TYW1: variants seen among roughly 807,000 people sequenced by gnomAD.
TYW1 encodes the protein tRNA-yW synthesizing protein 1 homolog.
In TYW1, 46 loss-of-function variants were observed where a neutral mutation model predicts 96.2. The ratio of observed to expected loss-of-function variants is 0.48; its 90% CI spans 0.38 to 0.61. The LOEUF is 0.61. Ranked by LOEUF, TYW1 falls within the 20% of genes least tolerant of loss-of-function variation. The pLI, the probability that TYW1 is intolerant of heterozygous loss-of-function variation, is 0.00. For missense variants in TYW1, 684 were observed against 909.6 expected (o/e 0.75, Z 3.19); for synonymous variants, 274 against 323.0 (o/e 0.85, Z 1.63).
rs56069939 is a variant in TYW1 at position 67,094,651 on chromosome 7, A to AGTGTGTGTGTGT, written c.1385-3861_1385-3850dup. ...GGGAGGAAGAGAGAGAGAGAATTAG[A>AGTGTGTGTGTGT]GTGTGTGTGTGTGTGTGTGTGTGTG... On this transcript the variant is annotated intron_variant, in intron 11 of 15. Coordinates refer to ENST00000359626, the MANE Select transcript of TYW1 (RefSeq NM_018264.4). Among the ~76,000 whole-genome samples, 287 of 141,712 alleles carry AGTGTGTGTGTGT rather than the reference A, an allele frequency of 2.0e-3. 1 individual carries two copies. Among genetic ancestry groups the AGTGTGTGTGTGT allele is most frequent in the African/African-American group, 6.2e-3 (241 of 38,712 alleles). The allele number at this position is 141,712 out of a possible 152,430, so 93.0% of individuals were successfully genotyped here. A position where few individuals can be genotyped will look rare whatever the true frequency, so the allele number is the denominator to read the frequency against.
In TYW1 at chr7:67,049,937, A is replaced by G; in HGVS notation, c.985-12A>G. On this transcript the variant is annotated splice_polypyrimidine_tract_variant and intron_variant, in intron 7 of 15. Transcript: ENST00000359626. ...CCAATTCTGGATTTCATTCTTTTTT[A>G]TTTTAATGCAGAGAGAAAAGGAACA... The G allele has an allele frequency of 1.9e-6, 3 of 1,612,952 alleles. No homozygotes were observed. Among genetic ancestry groups the G allele is most frequent in the Non-Finnish European group, 2.5e-6 (3 of 1,179,668 alleles).
At chr7:67,101,666 C>T (rs2115877630) in intron 12 of TYW1, among the ~76,000 whole-genome samples, 1 of 152,132 alleles carries the variant, frequency 6.6e-6, no homozygotes, top group Non-Finnish European at 1.5e-5. Flanking sequence ...CAGGCGCACA[C>T]CACCACACCA....
At chr7:67,073,073 C>T (rs960388149) in intron 10 of TYW1, among the ~76,000 whole-genome samples, 26 of 150,302 alleles carry the variant, frequency 1.7e-4, no homozygotes, top group Non-Finnish European at 4.4e-5. Flanking sequence ...CGTGGGCTAC[C>T]ATACCATATT....
chr7:67,035,456 C>T (rs1300827001), intron 7 of TYW1, among the ~76,000 whole-genome samples: 1 of 152,186 alleles, frequency 6.6e-6, no homozygotes, highest in East Asian at 1.9e-4. Flanking sequence ...AGACAAACTG[C>T]AAGGTCTGAG....
intron 7 of TYW1, among the ~76,000 whole-genome samples, chr7:67,034,402 G>A (rs1794768311): frequency 6.6e-6 from 1 of 152,138 alleles, no homozygotes; most frequent in Admixed American, 6.6e-5. Context: ...CACTGTGCCC[G>A]GCCTCCTTTA....
rs761961808 is a variant in TYW1 at position 67,238,556 on chromosome 7, G to T, written c.*27G>T. ...ATTATCTGATTTCAAGGTACTGAAG[G>T]ACAAAAACTTGGATGGCCTCAAAAG... On this transcript the variant is annotated 3_prime_UTR_variant, in exon 16 of 16. Coordinates refer to ENST00000359626, the MANE Select transcript of TYW1 (RefSeq NM_018264.4). The T allele has an allele frequency of 6.2e-7, 1 of 1,601,114 alleles. No individual in the cohort carries two copies. The highest frequency in any genetic ancestry group is 8.5e-7 in the Non-Finnish European group (1 of 1,174,086).
At chr7:67,152,314 A>G (rs1798827655) in intron 13 of TYW1, among the ~76,000 whole-genome samples, 1 of 152,154 alleles carries the variant, frequency 6.6e-6, no homozygotes, top group Non-Finnish European at 1.5e-5. Context: ...TTTACTCATG[A>G]ATTGCCCTAT....
At chr7:67,029,409 GTGTGTGTA>G (rs1349315063) in intron 7 of TYW1, among the ~76,000 whole-genome samples, 2 of 107,142 alleles carry the variant, frequency 1.9e-5, no homozygotes, top group African/African-American at 7.1e-5. Flanking sequence ...GTGTGTGTGT[GTGTGTGTA>G]TATATATATA....
Position 67,017,985 on chromosome 7 carries a change from A to T in TYW1, c.703A>T (p.Lys235Ter). The change falls in exon 6 of 16, where the codon AAG becomes TAG. Residue 235 changes from lysine to a stop codon, truncating the protein, a stop_gained. Coordinates refer to ENST00000359626, the MANE Select transcript of TYW1 (RefSeq NM_018264.4). LOFTEE classifies it high-confidence loss of function. ...GGCCGACTTCAGAGCATGGAAGACC[A>T]AGTTCATCTCCCAGCTGCAGGCACT... ...IEADFRAWKT[K>*]FISQLQALQK... 9 of 1,614,162 alleles carry T rather than the reference A, an allele frequency of 5.6e-6. No homozygotes were observed. The highest frequency in any genetic ancestry group is 7.6e-6 in the Non-Finnish European group (9 of 1,180,034).
At chr7:67,015,812 A>C (rs1793998872) in intron 5 of TYW1, among the ~76,000 whole-genome samples, 1 of 151,924 alleles carries the variant, frequency 6.6e-6, no homozygotes, top group Admixed American at 6.6e-5. Flanking sequence ...AATACAAAAA[A>C]ATTAGCCAGG....
chr7:67,078,780 C>T (rs1258347754), intron 10 of TYW1, among the ~76,000 whole-genome samples: 1 of 152,058 alleles, frequency 6.6e-6, no homozygotes. Context: ...GCAACCTCCA[C>T]CTCCTGGGTT....
chr7:67,188,762 A>G (rs994710211), intron 14 of TYW1, among the ~76,000 whole-genome samples: 2 of 152,146 alleles, frequency 1.3e-5, no homozygotes, highest in Non-Finnish European at 2.9e-5. Context: ...ATGGTACCTC[A>G]AGGTCATATA....
chr7:67,141,763 T>C (rs1798457643), intron 13 of TYW1, among the ~76,000 whole-genome samples: 1 of 152,186 alleles, frequency 6.6e-6, no homozygotes, highest in Admixed American at 6.5e-5. Flanking sequence ...AGGCCAGGCA[T>C]GGTGGCTCAC....
chr7:67,209,598 A>T (rs1800929935), intron 15 of TYW1, among the ~76,000 whole-genome samples: 2 of 152,088 alleles, frequency 1.3e-5, no homozygotes, highest in Non-Finnish European at 2.9e-5. Context: ...TTTGAGACAG[A>T]GTCTTACTCT....
chr7:67,123,892 G>A (rs997513410), intron 13 of TYW1, among the ~76,000 whole-genome samples: 9 of 152,192 alleles, frequency 5.9e-5, no homozygotes, highest in Non-Finnish European at 4.4e-5. Flanking sequence ...AGGAAGTATG[G>A]TGCAGTGTTT....
At chr7:67,151,955 C>T (rs1172026142) in intron 13 of TYW1, among the ~76,000 whole-genome samples, 1 of 151,858 alleles carries the variant, frequency 6.6e-6, no homozygotes, top group Non-Finnish European at 1.5e-5. Context: ...CACAGGCATG[C>T]ACCATCACAC....
At chr7:67,112,604 AGACTCTT>A (rs1359906336) in intron 12 of TYW1, among the ~76,000 whole-genome samples, 6 of 150,044 alleles carry the variant, frequency 4.0e-5, no homozygotes, top group Middle Eastern at 3.5e-3. Context: ...TGACAGAGCA[AGACTCTT>A]GTCTTTAAAA....
chr7:67,147,338 T>C (rs577594421), intron 13 of TYW1, among the ~76,000 whole-genome samples: 1 of 152,330 alleles, frequency 6.6e-6, no homozygotes, highest in African/African-American at 2.4e-5. Context: ...GGAGCATCCA[T>C]GGATTTTGCC....
intron 3 of TYW1, among the ~76,000 whole-genome samples, chr7:67,008,511 T>C (rs558943105): frequency 2.2e-4 from 33 of 152,286 alleles, no homozygotes; most frequent in African/African-American, 7.7e-4. Flanking sequence ...ACAAAAGATA[T>C]TCATTCCATC....
Sources: allele counts gnomAD v4.1 joint callset (sites outside exome capture counted in the v4.1 genomes callset), GRCh38; gene constraint gnomAD v4.1.1; transcripts MANE v1.5; gene names NCBI Gene and HGNC (gene_info 2026-07-23, HGNC 2026-07-21).